Variants in MBNL3 observed in about 807,000 individuals in gnomAD.
The protein encoded by MBNL3 is muscleblind like splicing regulator 3.
MBNL3 carries 6 observed loss-of-function variants against 24.5 expected under a neutral mutation model. The observed-to-expected ratio is 0.25, with a 90% CI of 0.13 to 0.48. The LOEUF (loss-of-function observed/expected upper bound fraction) is 0.48. Among genes scored for constraint, MBNL3 ranks in the 20% least tolerant of loss-of-function variants. The pLI is 0.99. For synonymous variants in MBNL3, 100 were observed against 101.7 expected (o/e 0.98, Z 0.10); for missense variants, 230 against 293.5 (o/e 0.78, Z 1.58).
At chrX:132,414,512 C>G (rs980522354) in intron 2 of MBNL3, among the ~76,000 whole-genome samples, 2 of 111,581 alleles carry the variant, frequency 1.8e-5, no homozygotes, top group Non-Finnish European at 3.8e-5. Flanking sequence ...ACTGGTCAAT[C>G]GGGTATAAGA....
intron 2 of MBNL3, among the ~76,000 whole-genome samples, chrX:132,419,761 TTTC>T (rs1943621995): frequency 8.9e-6 from 1 of 112,359 alleles, no homozygotes; most frequent in Non-Finnish European, 1.9e-5. Flanking sequence ...GTCATGTTTC[TTTC>T]TTTTCTTTTC....
chrX:132,387,340 CAA>C lies in MBNL3; in HGVS notation c.772-531_772-530del, dbSNP rs397895685. Among the ~76,000 whole-genome samples, 27 of 74,370 alleles carry C rather than the reference CAA, an allele frequency of 3.6e-4. No individual in the cohort carries two copies. The East Asian group carries it at 4.6e-3, about 13-fold the overall frequency. The allele number at this position is 74,370 out of a possible 115,157, so 64.6% of individuals were successfully genotyped here. ...CAGTAGTGCAAAACAAAAAAAAATG[CAA>C]AAAAAAAAAAAGGTTTTCAACTTCA... On this transcript the variant is annotated intron_variant, in intron 5 of 8. Coordinates refer to ENST00000370853, the MANE Select transcript of MBNL3 (RefSeq NM_001386889.1).
At chrX:132,468,768 A>C (rs1400258808) in intron 1 of MBNL3, among the ~76,000 whole-genome samples, 1 of 111,989 alleles carries the variant, frequency 8.9e-6, no homozygotes, top group African/African-American at 3.2e-5. Context: ...ACTGTCAATC[A>C]CCACTCTGTA....
In MBNL3 at chrX:132,471,006, G is replaced by C. The variant is rs904012191; in HGVS notation, c.-704+17845C>G. Among the ~76,000 whole-genome samples the C allele has an allele frequency of 3.6e-5, 4 of 111,273 alleles. No individual in the cohort carries two copies. In the South Asian group the frequency reaches 1.6e-3, roughly 43 times the overall value. The stretch of plus-strand genomic sequence containing the variant: ...CTAGCAGAATGTCTTTTGGCATGCT[G>C]CTTCCTCTCTCTGAGCCCCATGTTC... On this transcript the variant is annotated intron_variant, in intron 1 of 8. Coordinates refer to ENST00000370853, the MANE Select transcript of MBNL3 (RefSeq NM_001386889.1).
intron 1 of MBNL3, among the ~76,000 whole-genome samples, chrX:132,461,745 A>G (rs1336242752): frequency 8.9e-6 from 1 of 112,135 alleles, no homozygotes; most frequent in Non-Finnish European, 1.9e-5. Context: ...AAAAATAATC[A>G]TTGCAAGGTT....
chrX:132,464,413 A>G (rs192603348), intron 1 of MBNL3, among the ~76,000 whole-genome samples: 262 of 112,438 alleles, frequency 2.3e-3, no homozygotes, highest in African/African-American at 8.2e-3. Flanking sequence ...TAATATGATC[A>G]TACAATGTAA....
At chrX:132,409,864 G>C (rs770528731) in intron 2 of MBNL3, among the ~76,000 whole-genome samples, 1 of 111,362 alleles carries the variant, frequency 9.0e-6, no homozygotes, top group South Asian at 3.8e-4. Context: ...ATTTCCTTTT[G>C]GACTTAAAAA....
chrX:132,473,595 TAGA>T (rs918250211), intron 1 of MBNL3, among the ~76,000 whole-genome samples: 4 of 111,113 alleles, frequency 3.6e-5, no homozygotes, highest in Non-Finnish European at 3.8e-5. Flanking sequence ...AGCTGAAATT[TAGA>T]AGAATAAACA....
At chrX:132,485,063 T>C (rs1435967832) in intron 1 of MBNL3, among the ~76,000 whole-genome samples, 2 of 111,531 alleles carry the variant, frequency 1.8e-5, no homozygotes, top group East Asian at 5.6e-4. Flanking sequence ...GAGTTGAACA[T>C]TCAAAGCCCT....
intron 1 of MBNL3, among the ~76,000 whole-genome samples, chrX:132,443,394 TAAAC>T (rs1218180175): frequency 8.9e-6 from 1 of 111,963 alleles, no homozygotes; most frequent in Non-Finnish European, 1.9e-5. Flanking sequence ...CTGGGAATCT[TAAAC>T]AAGAGAAACC....
intron 1 of MBNL3, among the ~76,000 whole-genome samples, chrX:132,469,939 C>T (rs1364322689): frequency 2.7e-5 from 3 of 111,904 alleles, no homozygotes; most frequent in Non-Finnish European, 3.8e-5. Context: ...CTTTTCTGGA[C>T]ATTTCATATA....
intron 2 of MBNL3, among the ~76,000 whole-genome samples, chrX:132,414,399 T>C (rs1943104216): frequency 8.9e-6 from 1 of 112,161 alleles, no homozygotes; most frequent in African/African-American, 3.2e-5. Flanking sequence ...AAAGATCAAA[T>C]AGTAAAGCTG....
intron 1 of MBNL3, among the ~76,000 whole-genome samples, chrX:132,455,264 A>G (rs1057382103): frequency 8.9e-6 from 1 of 111,858 alleles, no homozygotes; most frequent in Non-Finnish European, 1.9e-5. Context: ...TTGGAAAGCA[A>G]CACCTTACCC....
Position 132,386,728 on chromosome X carries a change from G to A in MBNL3, c.855C>T (p.Pro285=). 1 of 1,211,030 alleles carries A rather than the reference G, an allele frequency of 8.3e-7. No homozygotes were observed. The highest frequency in any genetic ancestry group is 1.1e-6 in the Non-Finnish European group (1 of 895,349). ...GAGCCTGTTGGCAGTGGAAAACAGT[G>A]GGATTAAAGACCGGGGTGGCACCAT... ...KPNGATPVFN[P]TVFHCQQALT... is the part of the protein sequence containing the mutation. Residue 285 remains proline, a synonymous_variant, in exon 6 of 9, where the codon CCC becomes CCT. Coordinates refer to ENST00000370853, the MANE Select transcript of MBNL3 (RefSeq NM_001386889.1).
At chrX:132,455,373 G>A (rs145902300) in intron 1 of MBNL3, among the ~76,000 whole-genome samples, 2,151 of 111,726 alleles carry the variant, frequency 0.019, 24 homozygotes, top group Middle Eastern at 0.07. Flanking sequence ...CTTCTGTGTC[G>A]ACTTTTGCAA....
At chrX:132,381,494 T>C in intron 8 of MBNL3, 2 of 747,932 alleles carry the variant, frequency 2.7e-6, no homozygotes, top group Non-Finnish European at 3.9e-6. Context: ...GTTTATGTTG[T>C]TATATATGTG....
rs778057955 is a variant in MBNL3, at chrX:132,391,054, A to G, written c.564T>C (p.Cys188=). 1 of 1,209,275 alleles carries G rather than the reference A, an allele frequency of 8.3e-7. No homozygotes were observed. The highest frequency in any genetic ancestry group is 1.7e-5 in the African/African-American group (1 of 57,209). The change falls in exon 5 of 9, where the codon TGT becomes TGC. Residue 188 remains cysteine, a synonymous_variant. Transcript: ENST00000370853. Reference sequence around the variant, plus strand: ...AGCGGCAATCATTCTCCCCACGGGTACAATTTCCACGCTGAAATTCTCGGC... The same window carrying G: ...AGCGGCAATCATTCTCCCCACGGGTGCAATTTCCACGCTGAAATTCTCGGC... ...EVCREFQRGN[C]TRGENDCRYA... is the part of the protein sequence containing the mutation.
intron 2 of MBNL3, among the ~76,000 whole-genome samples, chrX:132,417,890 G>A (rs950645487): frequency 1.8e-4 from 20 of 111,943 alleles, no homozygotes; most frequent in Non-Finnish European, 2.1e-4. Context: ...TAAAACATCA[G>A]TGTGCTAATC....
At chrX:132,383,923 G>C (rs1935505759) in intron 7 of MBNL3, among the ~76,000 whole-genome samples, 1 of 111,572 alleles carries the variant, frequency 9.0e-6, no homozygotes, top group African/African-American at 3.3e-5. Context: ...ATTTTCTCCT[G>C]GTCTGTTCCT....
Sources: allele counts gnomAD v4.1 joint callset (sites outside exome capture counted in the v4.1 genomes callset), GRCh38; gene constraint gnomAD v4.1.1; transcripts MANE v1.5; gene names NCBI Gene and HGNC (gene_info 2026-07-23, HGNC 2026-07-21).